The following ZNF566 variants were observed in gnomAD, a reference collection of about 807,000 sequenced individuals.
ZNF566 encodes the protein zinc finger protein 566.
A neutral mutation model predicts 32.8 loss-of-function variants in ZNF566; 27 were observed. The observed-to-expected ratio is 0.82, with a 90% CI of 0.61 to 1.14. ZNF566 has a LOEUF of 1.14. Among genes scored for constraint, ZNF566 ranks in the 50% most tolerant of loss-of-function variants. The pLI, the probability that ZNF566 is intolerant of heterozygous loss-of-function variation, is 0.00. For synonymous variants in ZNF566, 154 were observed against 159.5 expected (o/e 0.97, Z 0.26); for missense variants, 402 against 490.4 (o/e 0.82, Z 1.70).
At chr19:36,453,136 CAAAA>C (rs1441964072) in intron 4 of ZNF566, among the ~76,000 whole-genome samples, 1 of 144,796 alleles carries the variant, frequency 6.9e-6, no homozygotes, top group East Asian at 2.1e-4. Flanking sequence ...AACAAAAAAA[CAAAA>C]AAACAAACAA....
At chr19:36,477,286 A>G (rs533573773) in intron 1 of ZNF566, among the ~76,000 whole-genome samples, 1 of 152,288 alleles carries the variant, frequency 6.6e-6, no homozygotes, top group African/African-American at 2.4e-5. Flanking sequence ...CTAAGATTAC[A>G]GGTATGAGCC....
At chr19:36,480,200 A>G (rs1471309107) in intron 1 of ZNF566, among the ~76,000 whole-genome samples, 2 of 152,182 alleles carry the variant, frequency 1.3e-5, no homozygotes, top group Non-Finnish European at 2.9e-5. Context: ...AAAACCAAAT[A>G]GAATATAGAG....
intron 1 of ZNF566, among the ~76,000 whole-genome samples, chr19:36,477,778 T>C (rs1000612846): frequency 6.6e-6 from 1 of 152,052 alleles, no homozygotes; most frequent in Non-Finnish European, 1.5e-5. Flanking sequence ...CCTTCCAAAG[T>C]GCTGGGATTA....
chr19:36,472,714 A>G (rs2033795411), intron 4 of ZNF566, among the ~76,000 whole-genome samples, 197 bp downstream of exon 4: 1 of 152,244 alleles, frequency 6.6e-6, no homozygotes, highest in African/African-American at 2.4e-5. Context: ...GAACTGAGAG[A>G]GAAGGATAAG....
At chr19:36,485,284 A>AG (rs1032252881) in intron 1 of ZNF566, among the ~76,000 whole-genome samples, 1 of 150,618 alleles carries the variant, frequency 6.6e-6, no homozygotes, top group Non-Finnish European at 1.5e-5. Context: ...AAAAAAAAAA[A>AG]AAAAGAAAAT....
chr19:36,469,920 A>G (rs1365575264), intron 4 of ZNF566, among the ~76,000 whole-genome samples: 2 of 146,080 alleles, frequency 1.4e-5, no homozygotes, highest in African/African-American at 4.9e-5. Flanking sequence ...ACTGCACTAA[A>G]AGAAAAAAAA....
intron 1 of ZNF566, among the ~76,000 whole-genome samples, chr19:36,477,607 T>C (rs1399005025): frequency 6.8e-6 from 1 of 148,056 alleles, no homozygotes; most frequent in Admixed American, 6.8e-5. Flanking sequence ...GGCGCGATCT[T>C]GGCTCACTGC....
chr19:36,450,242 T>C (rs2967533), intron 4 of ZNF566, among the ~76,000 whole-genome samples: 83,377 of 152,008 alleles, frequency 0.55, 23,263 homozygotes, highest in African/African-American at 0.61. Flanking sequence ...ATACACATGC[T>C]TTAGTCCTAT....
intron 4 of ZNF566, among the ~76,000 whole-genome samples, chr19:36,467,187 G>A (rs896314923): frequency 6.6e-6 from 1 of 151,190 alleles, no homozygotes; most frequent in Non-Finnish European, 1.5e-5. Flanking sequence ...TGTAATCCCA[G>A]CACTTTGGGA....
At chr19:36,454,394 ACAGT>A (rs1316746883) in intron 4 of ZNF566, among the ~76,000 whole-genome samples, 7 of 152,088 alleles carry the variant, frequency 4.6e-5, no homozygotes, top group Non-Finnish European at 1.5e-5. Context: ...ACACTATAAA[ACAGT>A]CAGGATTAGC....
chr19:36,459,790 C>T (rs902894876), intron 4 of ZNF566, among the ~76,000 whole-genome samples: 5 of 150,530 alleles, frequency 3.3e-5, no homozygotes, highest in African/African-American at 1.2e-4. Context: ...GGATTACAGT[C>T]GTGAGCCACC....
Position 36,449,642 on chromosome 19 carries a change from G to C in ZNF566, c.592C>G (p.Pro198Ala), listed in dbSNP as rs2033092984. ...THEIIHTIEK[P>A]YECKECGKSF... ...TTTCCACATTCCTTACATTCATAAG[G>C]CTTCTCAATGGTATGAATTATCTCA... is the stretch of plus-strand genomic sequence containing the variant. The change falls in exon 5 of 5, where the codon CCT becomes GCT. Residue 198 changes from proline to alanine, a missense_variant. Around this residue, in one of 3 missense-constraint regions of ZNF566, gnomAD observed 220 missense variants for 241.9 expected, o/e 0.91. Transcript: ENST00000452939. The C allele has an allele frequency of 6.2e-7, 1 of 1,614,110 alleles. No homozygotes were observed. The highest frequency in any genetic ancestry group is 8.5e-7 in the Non-Finnish European group (1 of 1,180,024).
At chr19:36,475,052 G>A (rs10402838) in intron 2 of ZNF566, among the ~76,000 whole-genome samples, 5,252 of 152,132 alleles carry the variant, frequency 0.035, 118 homozygotes, top group East Asian at 0.085. Flanking sequence ...TGACATCATT[G>A]CTTTTGTTTT....
rs192780811 is a variant in ZNF566 at position 36,462,145 on chromosome 19, C to T, written c.232+10766G>A. On this transcript the variant is annotated intron_variant, in intron 4 of 4. Transcript: ENST00000452939. ...CTGGGATTAGAGGCATGCACCACCA[C>T]GCTTGGCTAATTTTGTATTTTTAGT... Among the ~76,000 whole-genome samples, 512 of 151,930 alleles carry T rather than the reference C, an allele frequency of 3.4e-3. 1 individual carries two copies. The highest frequency in any genetic ancestry group is 5.3e-3 in the Non-Finnish European group (362 of 67,940).
In ZNF566 at chr19:36,449,504, G is replaced by A. The variant is rs1395757818; in HGVS notation, c.730C>T (p.Arg244Ter). ...TCACCAGTGTGAATTCTGTGATGTC[G>A]AGTAAGGTCTGAGCCACAAATAAAG... ...KTFICGSDLT[R>*]HHRIHTGEKP... The change falls in exon 5 of 5, where the codon CGA (arginine) becomes TGA (stop). Residue 244 changes from arginine to a stop codon, truncating the protein, a stop_gained. Transcript: ENST00000452939. LOFTEE classifies it high-confidence loss of function. The A allele has an allele frequency of 1.2e-6, 2 of 1,613,572 alleles. No homozygotes were observed. Among genetic ancestry groups the A allele is most frequent in the Non-Finnish European group, 1.7e-6 (2 of 1,179,902 alleles).
chr19:36,452,194 A>C (rs904385261), intron 4 of ZNF566, among the ~76,000 whole-genome samples: 9 of 152,040 alleles, frequency 5.9e-5, no homozygotes, highest in Non-Finnish European at 1.2e-4. Flanking sequence ...ATATACATGT[A>C]ATACAAATAA....
intron 1 of ZNF566, among the ~76,000 whole-genome samples, chr19:36,482,368 G>GTGT: frequency 6.6e-6 from 1 of 152,122 alleles, no homozygotes; most frequent in South Asian, 2.1e-4. Flanking sequence ...GCCTCCCAAA[G>GTGT]TGTTGGGATT....
intron 1 of ZNF566, among the ~76,000 whole-genome samples, chr19:36,480,845 G>C (rs1163605457): frequency 2.6e-5 from 4 of 151,286 alleles, no homozygotes; most frequent in Non-Finnish European, 4.4e-5. Context: ...TTCGAGACCA[G>C]CCTGGCCAAC....
intron 4 of ZNF566, among the ~76,000 whole-genome samples, chr19:36,453,103 G>A (rs532769954): frequency 6.7e-6 from 1 of 149,354 alleles, no homozygotes; most frequent in African/African-American, 2.5e-5. Context: ...GGGCAACAGA[G>A]CAAGACTCTG....
Sources: gnomAD v4.1 joint callset for allele counts (sites outside exome capture counted in the v4.1 genomes callset) on GRCh38, gnomAD v4.1.1 for gene constraint, gnomAD v4.1.1 regional missense constraint, MANE v1.5 for transcripts, NCBI Gene and HGNC (gene_info 2026-07-23, HGNC 2026-07-21) for gene names.